The following BRINP3 variants were observed in gnomAD, a reference collection of about 807,000 sequenced individuals.
BRINP3 encodes BMP/retinoic acid inducible neural specific 3, also known as BMP/retinoic acid-inducible neural-specific protein 3.
A neutral mutation model predicts 71.0 loss-of-function variants in BRINP3; 19 were observed. The ratio of observed to expected loss-of-function variants is 0.27; its 90% CI spans 0.19 to 0.39. BRINP3 has a LOEUF of 0.39. Among genes scored for constraint, BRINP3 ranks in the 10% least tolerant of loss-of-function variants. The probability of loss-of-function intolerance (pLI) is 1.00; values close to 1 mark genes in which losing one functional copy is unlikely to be tolerated. For synonymous variants in BRINP3, 380 were observed against 337.7 expected (o/e 1.13, Z -1.37); for missense variants, 959 against 940.8 (o/e 1.02, Z -0.25).
chr1:190,185,740 G>T (rs1653454926), intron 6 of BRINP3, among the ~76,000 whole-genome samples: 1 of 151,906 alleles, frequency 6.6e-6, no homozygotes, highest in Non-Finnish European at 1.5e-5. Flanking sequence ...ATGTATAATA[G>T]CTGAATAAAA....
At chr1:190,168,674 G>A (rs1048827104) in intron 6 of BRINP3, among the ~76,000 whole-genome samples, 3 of 152,162 alleles carry the variant, frequency 2.0e-5, no homozygotes, top group Non-Finnish European at 4.4e-5. Context: ...TACATTGCTT[G>A]TTTTTCATGT....
chr1:190,138,364 A>C (rs1368408283), intron 7 of BRINP3, among the ~76,000 whole-genome samples: 1 of 152,140 alleles, frequency 6.6e-6, no homozygotes, highest in Non-Finnish European at 1.5e-5. Context: ...GTTACACATG[A>C]TTTGAGGTGA....
At chr1:190,289,558 G>A (rs1663697087) in intron 2 of BRINP3, among the ~76,000 whole-genome samples, 2 of 151,946 alleles carry the variant, frequency 1.3e-5, no homozygotes, top group Non-Finnish European at 2.9e-5. Flanking sequence ...TATGAATCAG[G>A]CTTGATTGTT....
At chr1:190,164,186 T>C (rs762513210) in intron 6 of BRINP3, among the ~76,000 whole-genome samples, 6 of 152,166 alleles carry the variant, frequency 3.9e-5, no homozygotes, top group African/African-American at 7.2e-5. Context: ...CAGTTAATTG[T>C]GTACTTTCAA....
At chr1:190,366,610 T>C (rs1669519365) in intron 2 of BRINP3, among the ~76,000 whole-genome samples, 1 of 152,126 alleles carries the variant, frequency 6.6e-6, no homozygotes, top group Non-Finnish European at 1.5e-5. Context: ...TCGAAAGTCC[T>C]ATGCCAAAGT....
rs368667993 is a variant in BRINP3 at position 190,271,456 on chromosome 1, C to T, written c.428-6401G>A. ...ATATCACTGGAATCTAGTAATAATTCGAAAGTTGTTAATATATTATTATTC... is the reference window on the plus strand; with the variant it reads ...ATATCACTGGAATCTAGTAATAATTTGAAAGTTGTTAATATATTATTATTC... On this transcript the variant is annotated intron_variant, in intron 3 of 7. Transcript: ENST00000367462. Among the ~76,000 whole-genome samples, 19 of 151,526 alleles carry T rather than the reference C, an allele frequency of 1.3e-4. No individual in the cohort carries two copies. The South Asian group carries it at 3.9e-3, about 31-fold the overall frequency.
At chr1:190,314,180 A>T (rs1665725261) in intron 2 of BRINP3, among the ~76,000 whole-genome samples, 1 of 152,118 alleles carries the variant, frequency 6.6e-6, no homozygotes, top group Admixed American at 6.6e-5. Context: ...TGTACCAAAA[A>T]TTGTAATTTT....
At chr1:190,200,357 A>T (rs1418736936) in intron 6 of BRINP3, among the ~76,000 whole-genome samples, 3 of 152,096 alleles carry the variant, frequency 2.0e-5, no homozygotes, top group African/African-American at 4.8e-5. Context: ...ATGAATTTAG[A>T]ATTTGAATGG....
At chr1:190,137,448 A>C (rs992053241) in intron 7 of BRINP3, among the ~76,000 whole-genome samples, 9 of 152,044 alleles carry the variant, frequency 5.9e-5, no homozygotes, top group African/African-American at 2.2e-4. Context: ...TAAAAAAAAA[A>C]AAAAAACCTG....
At chr1:190,314,132 A>G (rs1665722138) in intron 2 of BRINP3, among the ~76,000 whole-genome samples, 1 of 152,124 alleles carries the variant, frequency 6.6e-6, no homozygotes, top group African/African-American at 2.4e-5. Context: ...GATTAAAAAA[A>G]TACTTCATAG....
At chr1:190,452,204 A>G (rs2102615645) in intron 2 of BRINP3, among the ~76,000 whole-genome samples, 1 of 152,348 alleles carries the variant, frequency 6.6e-6, no homozygotes, top group South Asian at 2.1e-4. Flanking sequence ...TATTAAAGAC[A>G]AAACTTGCTT....
chr1:190,435,073 T>G (rs1477083153), intron 2 of BRINP3, among the ~76,000 whole-genome samples: 1 of 152,144 alleles, frequency 6.6e-6, no homozygotes, highest in East Asian at 1.9e-4. Context: ...TTTGGAATGG[T>G]TTTATTATTT....
At chr1:190,408,123 G>T (rs570933301) in intron 2 of BRINP3, among the ~76,000 whole-genome samples, 1 of 140,800 alleles carries the variant, frequency 7.1e-6, no homozygotes, top group African/African-American at 2.6e-5. Flanking sequence ...CCGGGTTCAC[G>T]CCATTCTCCT....
At chr1:190,384,603 G>A (rs893612149) in intron 2 of BRINP3, among the ~76,000 whole-genome samples, 17 of 151,918 alleles carry the variant, frequency 1.1e-4, no homozygotes, top group Middle Eastern at 3.4e-3. Flanking sequence ...CTGTTGCCAA[G>A]CACTACTCCA....
chr1:190,368,799 G>A (rs1356688658), intron 2 of BRINP3, among the ~76,000 whole-genome samples: 2 of 152,108 alleles, frequency 1.3e-5, no homozygotes, highest in Non-Finnish European at 2.9e-5. Flanking sequence ...TAGATTAAAG[G>A]AAGTTAATCA....
chr1:190,152,766 A>G (rs1478504944), intron 7 of BRINP3, among the ~76,000 whole-genome samples: 1 of 152,028 alleles, frequency 6.6e-6, no homozygotes, highest in African/African-American at 2.4e-5. Context: ...ATTTCTACAG[A>G]CTTTAATTTT....
intron 2 of BRINP3, among the ~76,000 whole-genome samples, chr1:190,318,038 C>G (rs1327116015): frequency 3.3e-5 from 5 of 151,970 alleles, no homozygotes; most frequent in Admixed American, 3.3e-4. Flanking sequence ...AAATACTATT[C>G]CAAGGAAAGA....
intron 3 of BRINP3, among the ~76,000 whole-genome samples, chr1:190,265,530 T>C (rs931498325): frequency 2.8e-5 from 3 of 106,992 alleles, no homozygotes; most frequent in African/African-American, 9.7e-5. Context: ...TGAAACCCCG[T>C]CTCTACTAAA....
At chr1:190,339,398 G>C (rs1461414735) in intron 2 of BRINP3, among the ~76,000 whole-genome samples, 1 of 151,954 alleles carries the variant, frequency 6.6e-6, no homozygotes, top group Non-Finnish European at 1.5e-5. Flanking sequence ...TCTTTCTACA[G>C]TATCTGTACA....
Sources: allele counts gnomAD v4.1 joint callset (sites outside exome capture counted in the v4.1 genomes callset), GRCh38; gene constraint gnomAD v4.1.1; transcripts MANE v1.5; gene names NCBI Gene and HGNC (gene_info 2026-07-23, HGNC 2026-07-21).